The following SUMF1 variants were observed in gnomAD, a reference collection of about 807,000 sequenced individuals.
SUMF1 encodes formylglycine-generating enzyme.
Under a neutral mutation model 47.6 loss-of-function variants are expected in SUMF1, and 48 were observed. The ratio of observed to expected loss-of-function variants is 1.01; its 90% CI spans 0.80 to 1.28. The LOEUF (loss-of-function observed/expected upper bound fraction) is 1.28. SUMF1 is among the 50% of genes most tolerant of loss of function. The pLI is 0.00. For synonymous variants in SUMF1, 230 were observed against 192.1 expected (o/e 1.20, Z -1.63); for missense variants, 571 against 485.4 (o/e 1.18, Z -1.66).
At chr3:4,439,370 C>A (rs1702503888) in intron 3 of SUMF1, among the ~76,000 whole-genome samples, 1 of 151,544 alleles carries the variant, frequency 6.6e-6, no homozygotes, top group Non-Finnish European at 1.5e-5. Context: ...CAAAAAAATA[C>A]AAAAATTAGC....
intron 3 of SUMF1, among the ~76,000 whole-genome samples, chr3:4,422,678 C>T (rs1701940492): frequency 6.6e-6 from 1 of 151,966 alleles, no homozygotes; most frequent in Non-Finnish European, 1.5e-5. Context: ...CAGCTGAGTC[C>T]TAGAATACAC....
At chr3:4,387,227 G>T (rs1159199026) in intron 7 of SUMF1, among the ~76,000 whole-genome samples, 3 of 151,918 alleles carry the variant, frequency 2.0e-5, no homozygotes, top group African/African-American at 2.4e-5. Context: ...TGGGCCTGGA[G>T]ATTTGTTTTT....
intron 8 of SUMF1, among the ~76,000 whole-genome samples, chr3:4,257,703 T>G (rs1696987089): frequency 6.6e-6 from 1 of 151,228 alleles, no homozygotes; most frequent in African/African-American, 2.4e-5. Flanking sequence ...AATTTACAGA[T>G]TCAATGCCAT....
intron 3 of SUMF1, among the ~76,000 whole-genome samples, chr3:4,441,466 A>G (rs1464415931): frequency 1.3e-5 from 2 of 152,064 alleles, no homozygotes; most frequent in African/African-American, 4.8e-5. Flanking sequence ...TCCCAAAACC[A>G]TCCCCTCCCC....
chr3:4,312,897 G>T lies in SUMF1; in HGVS notation c.1014+63433C>A, dbSNP rs142644220. ...ACTTACAGTGTGTATATTTTTTACA[G>T]TACACTCCTGATCATGTAGTTGGAC... On this transcript the variant is annotated intron_variant and NMD_transcript_variant, in intron 8 of 12. Coordinates refer to the SUMF1 transcript ENST00000448413. The T allele has an allele frequency of 1.5e-5, 24 of 1,607,130 alleles. No homozygotes were observed. The African/African-American group carries it at 3.2e-4, about 21-fold the overall frequency.
chr3:4,369,887 A>AT (rs1559252251), intron 8 of SUMF1, among the ~76,000 whole-genome samples: 1 of 152,208 alleles, frequency 6.6e-6, no homozygotes, highest in Non-Finnish European at 1.5e-5. Context: ...GAGCCTGATC[A>AT]TATCAGGGCA....
chr3:4,410,423 C>T (rs1243119812), intron 7 of SUMF1, among the ~76,000 whole-genome samples: 2 of 152,102 alleles, frequency 1.3e-5, no homozygotes, highest in Non-Finnish European at 2.9e-5. Context: ...CAGAAAACAC[C>T]CTTTCTCTTT....
intron 8 of SUMF1, among the ~76,000 whole-genome samples, chr3:4,367,549 C>T (rs1217696805): frequency 2.0e-5 from 3 of 151,688 alleles, no homozygotes; most frequent in African/African-American, 7.3e-5. Flanking sequence ...GCCAAAAGAA[C>T]AAAGCTGGAG....
chr3:4,131,240 C>T (rs561763980), intron 8 of SUMF1, among the ~76,000 whole-genome samples: 3 of 152,260 alleles, frequency 2.0e-5, no homozygotes, highest in Non-Finnish European at 4.4e-5. Context: ...ATATTCATGA[C>T]TGGGCTAGAG....
intron 8 of SUMF1, among the ~76,000 whole-genome samples, chr3:4,219,121 T>C (rs1696006856): frequency 6.6e-6 from 1 of 152,166 alleles, no homozygotes; most frequent in Non-Finnish European, 1.5e-5. Context: ...GCTTAGCCTG[T>C]TTAACTGCAA....
intron 8 of SUMF1, among the ~76,000 whole-genome samples, chr3:4,294,501 C>G (rs1697805287): frequency 6.6e-6 from 1 of 152,126 alleles, no homozygotes; most frequent in African/African-American, 2.4e-5. Context: ...GAGATCGAGG[C>G]TGCAGTGAGC....
intron 8 of SUMF1, among the ~76,000 whole-genome samples, chr3:4,168,644 C>A: frequency 6.6e-6 from 1 of 152,240 alleles, no homozygotes; most frequent in South Asian, 2.1e-4. Flanking sequence ...AATGAGTTCT[C>A]AAGCAACTTT....
At chr3:4,345,840 AT>A (rs1388397748) in intron 8 of SUMF1, among the ~76,000 whole-genome samples, 1 of 152,138 alleles carries the variant, frequency 6.6e-6, no homozygotes, top group Non-Finnish European at 1.5e-5. Flanking sequence ...ATGGAGGAAA[AT>A]TTACCAAGCA....
At chr3:4,466,746 G>A (rs181360170) in intron 1 of SUMF1, among the ~76,000 whole-genome samples, 47 of 152,170 alleles carry the variant, frequency 3.1e-4, no homozygotes, top group Non-Finnish European at 5.3e-4. Flanking sequence ...AAAGAAATAG[G>A]GGGTAAAGAA....
chr3:4,284,450 GAGGAGGAGGAGGAGGAGGAGGAGA>G (rs1356824460), intron 8 of SUMF1, among the ~76,000 whole-genome samples: 1 of 101,030 alleles, frequency 9.9e-6, no homozygotes, highest in African/African-American at 4.3e-5. Context: ...AAAGGAGGAG[GAGGAGGAGGAGGAGGAGGAGGAGA>G]AGGAGGAGGA....
rs147405528 is a variant in SUMF1 at position 4,362,164 on chromosome 3, G to A, written c.1105C>T (p.Arg369Cys). Residue 369 changes from arginine (R) to cysteine (C), a missense_variant, in exon 9 of 9, where the codon CGC (arginine) becomes TGC (cysteine). Coordinates refer to ENST00000272902, the MANE Select transcript of SUMF1 (RefSeq NM_182760.4). Reference protein sequence around the residue: ...SNLGFRCAADRLPTMD With the variant: ...SNLGFRCAADCLPTMD ...GGTTGTCAGTCCATAGTGGGCAGGC[G>A]GTCGGCTGCACAGCGGAATCCCAGA... The A allele has an allele frequency of 2.6e-5, 42 of 1,614,140 alleles. No homozygotes were observed. The highest frequency in any genetic ancestry group is 2.3e-4 in the African/African-American group (17 of 75,048).
chr3:4,362,314 C>A, intron 8 of SUMF1, 60 bp from the exon 9 acceptor site: 2 of 1,386,576 alleles, frequency 1.4e-6, no homozygotes, highest in Non-Finnish European at 2.0e-6. Flanking sequence ...AGGCTCTAAC[C>A]CATCAGATGC....
rs182800880 is a variant in SUMF1, at chr3:4,153,811, C to T, written c.1015-85066G>A. Among the ~76,000 whole-genome samples the T allele has an allele frequency of 4.6e-4, 70 of 151,420 alleles. 6 individuals carry two copies. Among genetic ancestry groups the T allele is most frequent in the African/African-American group, 1.7e-3 (69 of 40,908 alleles). On this transcript the variant is annotated intron_variant and NMD_transcript_variant, in intron 8 of 12. Transcript: ENST00000448413. Reference sequence around the variant, plus strand: ...TAGAAATTATTGTTGCCTACAATTGCTTTTAGAATAATTTAATATAAAATT... The same window carrying T: ...TAGAAATTATTGTTGCCTACAATTGTTTTTAGAATAATTTAATATAAAATT...
chr3:4,284,441 AAGGAGGAGGAGGAGGAGG>A (rs72201582), intron 8 of SUMF1, among the ~76,000 whole-genome samples: 26 of 91,712 alleles, frequency 2.8e-4, no homozygotes, highest in Admixed American at 8.4e-4. Context: ...TAAAAAATGA[AAGGAGGAGGAGGAGGAGG>A]AGGAGGAGGA....
Sources: gnomAD v4.1 joint callset for allele counts (sites outside exome capture counted in the v4.1 genomes callset) on GRCh38, gnomAD v4.1.1 for gene constraint, MANE v1.5 for transcripts, NCBI Gene and HGNC (gene_info 2026-07-23, HGNC 2026-07-21) for gene names.